Variants in CPNE2 observed in about 807,000 individuals in gnomAD.
CPNE2 encodes the protein copine-2.
Under a neutral mutation model 69.7 loss-of-function variants are expected in CPNE2, and 42 were observed. The observed-to-expected ratio is 0.60, with a 90% CI of 0.47 to 0.78. The LOEUF (loss-of-function observed/expected upper bound fraction) is 0.78, where lower values mean the gene tolerates loss of function less well. Among genes scored for constraint, CPNE2 ranks in the 30% least tolerant of loss-of-function variants. The pLI is 0.00. For synonymous variants in CPNE2, 294 were observed against 289.8 expected (o/e 1.01, Z -0.15); for missense variants, 587 against 732.0 (o/e 0.80, Z 2.29).
At chr16:57,139,920 T>A (rs1290693973) in intron 14 of CPNE2, among the ~76,000 whole-genome samples, 2 of 151,978 alleles carry the variant, frequency 1.3e-5, no homozygotes, top group African/African-American at 4.8e-5. Context: ...GGAGGTAGTA[T>A]TAGGATTAAA....
chr16:57,114,534 G>T (rs2069703581), intron 3 of CPNE2, among the ~76,000 whole-genome samples: 1 of 152,180 alleles, frequency 6.6e-6, no homozygotes, highest in Non-Finnish European at 1.5e-5. Flanking sequence ...AGAGCCAGGT[G>T]GCACAGTCCC....
intron 1 of CPNE2, among the ~76,000 whole-genome samples, chr16:57,101,216 C>T (rs2069611286): frequency 6.6e-6 from 1 of 152,310 alleles, no homozygotes; most frequent in African/African-American, 2.4e-5. Flanking sequence ...CCCCGACAAT[C>T]GCATGAGCTA....
rs757751938 is a variant in CPNE2, at chr16:57,146,189, C to T, written c.1407C>T (p.Ile469=). 11 of 1,573,992 alleles carry T rather than the reference C, an allele frequency of 7.0e-6. No homozygotes were observed. The highest frequency in any genetic ancestry group is 1.7e-4 in the Middle Eastern group (1 of 6,050). Residue 469 remains isoleucine, a synonymous_variant, in exon 15 of 16, where the codon ATC becomes ATT. Coordinates refer to ENST00000290776, the MANE Select transcript of CPNE2 (RefSeq NM_152727.6). This position sits in a 1 kb window ranked among gnomAD's most constrained non-coding sequence, Gnocchi z 4.4. The part of the protein sequence containing the change: ...QASKLPMSII[I]VGVGNADFAA... Reference sequence around the variant, plus strand: ...CCAAGCTGCCCATGTCCATCATCATCGTGGGCGTGGGCAATGCGGACTTCG... The same window carrying T: ...CCAAGCTGCCCATGTCCATCATCATTGTGGGCGTGGGCAATGCGGACTTCG...
At chr16:57,093,960 C>T (rs1416940796) in intron 1 of CPNE2, 2 of 442,402 alleles carry the variant, frequency 4.5e-6, no homozygotes, top group Middle Eastern at 3.3e-4. Context: ...GGAACTTGGC[C>T]CAGACCCTCC....
At chr16:57,104,944 A>C (rs1339386937) in intron 1 of CPNE2, among the ~76,000 whole-genome samples, 1 of 152,162 alleles carries the variant, frequency 6.6e-6, no homozygotes, top group African/African-American at 2.4e-5. Flanking sequence ...GGGTGGCAGG[A>C]AGTGGGGACA....
At position 57,147,962 on chromosome 16, in the gene CPNE2, C is replaced by CACA; in HGVS notation, c.*305_*306insCAA. 3.7e-6 allele frequency: 1 copy of CACA among 272,914 alleles called. No homozygotes were observed. Among genetic ancestry groups the CACA allele is most frequent in the Non-Finnish European group, 6.8e-6 (1 of 146,858 alleles). The allele number at this position is 272,914 out of a possible 1,614,324, so 16.9% of individuals were successfully genotyped here. A position where few individuals can be genotyped will look rare whatever the true frequency, so the allele number is the denominator to read the frequency against. ...TTATTGAGAATAAAATTTTTACAAT[C>CACA]ATAACTGGCTTTTTCCAAGTAACTA... On this transcript the variant is annotated 3_prime_UTR_variant, in exon 16 of 16. Transcript: ENST00000290776.
intron 2 of CPNE2, 107 bp from the exon 3 acceptor site, chr16:57,113,181 G>A (rs2069692605): frequency 9.7e-7 from 1 of 1,029,546 alleles, no homozygotes; most frequent in Non-Finnish European, 1.4e-6. Context: ...ACAAGAGCCT[G>A]GCACAGAGTA....
intron 9 of CPNE2, among the ~76,000 whole-genome samples, chr16:57,122,031 G>C (rs1396691519): frequency 6.6e-6 from 1 of 152,228 alleles, no homozygotes; most frequent in Non-Finnish European, 1.5e-5. Flanking sequence ...GACCTTCCAG[G>C]GCCTGTCCTG....
At chr16:57,126,690 G>A (rs1473100702) in intron 11 of CPNE2, among the ~76,000 whole-genome samples, 1 of 152,202 alleles carries the variant, frequency 6.6e-6, no homozygotes, top group African/African-American at 2.4e-5. Context: ...AGATTTGGCA[G>A]GAAAGACAGC....
intron 14 of CPNE2, among the ~76,000 whole-genome samples, chr16:57,137,848 G>A (rs1024354665): frequency 6.6e-6 from 1 of 152,212 alleles, no homozygotes; most frequent in African/African-American, 2.4e-5. Flanking sequence ...TGGCTCCCAG[G>A]CAGGCCCTAC....
At chr16:57,133,552 T>C (rs910824981) in intron 12 of CPNE2, among the ~76,000 whole-genome samples, 1 of 152,106 alleles carries the variant, frequency 6.6e-6, no homozygotes, top group Admixed American at 6.6e-5. Flanking sequence ...CAGGAGAGCC[T>C]CCCAGTACCC....
intron 10 of CPNE2, 57 bp downstream of exon 10, chr16:57,123,530 G>A: frequency 6.4e-7 from 1 of 1,570,160 alleles, no homozygotes; most frequent in Middle Eastern, 1.7e-4. Context: ...GGTCCTCCCT[G>A]AAGACTTGGG....
intron 10 of CPNE2, 122 bp from the exon 11 acceptor site, chr16:57,125,738 G>A (rs1391480265): frequency 8.2e-7 from 1 of 1,218,778 alleles, no homozygotes; most frequent in Non-Finnish European, 1.1e-6. Flanking sequence ...CCATCTTATT[G>A]TGGGGAGGGC....
At chr16:57,107,574 G>A (rs2069655604) in intron 1 of CPNE2, among the ~76,000 whole-genome samples, 2 of 152,202 alleles carry the variant, frequency 1.3e-5, no homozygotes, top group Non-Finnish European at 2.9e-5. Flanking sequence ...TAGTGATGGT[G>A]GCTCGATCCT....
At position 57,127,724 on chromosome 16, in the gene CPNE2, G is replaced by C. The variant is rs548003047; in HGVS notation, c.1062-125G>C. On this transcript the variant is annotated intron_variant, in intron 11 of 15. Coordinates refer to ENST00000290776, the MANE Select transcript of CPNE2 (RefSeq NM_152727.6). Reference sequence around the variant, plus strand: ...TAGATGATCCTAACAGCTTTTTCTAGAGGTGGTGAGCTCCTCCTTTCTGTC... The same window carrying C: ...TAGATGATCCTAACAGCTTTTTCTACAGGTGGTGAGCTCCTCCTTTCTGTC... The C allele has an allele frequency of 1.9e-5, 17 of 911,970 alleles. No homozygotes were observed. In the Admixed American group the frequency reaches 3.2e-4, roughly 17 times the overall value. The allele number at this position is 911,970 out of a possible 1,614,324, so 56.5% of individuals were successfully genotyped here.
At chr16:57,108,356 G>A (rs2069660683) in intron 1 of CPNE2, among the ~76,000 whole-genome samples, 1 of 152,248 alleles carries the variant, frequency 6.6e-6, no homozygotes, top group Non-Finnish European at 1.5e-5. Context: ...TGCTCAATTA[G>A]TGCTCACAAG....
At chr16:57,129,336 AG>A (rs1299618248) in intron 12 of CPNE2, among the ~76,000 whole-genome samples, 1 of 152,072 alleles carries the variant, frequency 6.6e-6, no homozygotes, top group African/African-American at 2.4e-5. Flanking sequence ...GGTGGAGAGA[AG>A]GGGCGAAGGC....
intron 2 of CPNE2, chr16:57,113,055 G>A: frequency 2.1e-6 from 1 of 467,910 alleles, no homozygotes; most frequent in Non-Finnish European, 3.8e-6. Flanking sequence ...TCAGACCTCG[G>A]TTTCAAATCT....
intron 12 of CPNE2, 66 bp from the exon 13 acceptor site, chr16:57,134,709 G>A (rs530264030): frequency 1.0e-5 from 16 of 1,579,672 alleles, no homozygotes; most frequent in African/African-American, 1.3e-5. Context: ...GCCTGGCAGT[G>A]GGTGGTGGCC....
Sources: gnomAD v4.1 joint callset for allele counts (sites outside exome capture counted in the v4.1 genomes callset) on GRCh38, gnomAD v4.1.1 for gene constraint, Gnocchi (gnomAD v3.1) non-coding constraint, MANE v1.5 for transcripts, NCBI Gene and HGNC (gene_info 2026-07-23, HGNC 2026-07-21) for gene names.